PARL: variants seen among roughly 807,000 people sequenced by gnomAD.
PARL encodes the protein presenilin-associated rhomboid-like protein, mitochondrial.
A neutral mutation model predicts 51.6 loss-of-function variants in PARL; 44 were observed. The ratio of observed to expected loss-of-function variants is 0.85; its 90% CI spans 0.67 to 1.10. The LOEUF (loss-of-function observed/expected upper bound fraction) is 1.10. Ranked by LOEUF, PARL falls within the 50% of genes least tolerant of loss-of-function variation. PARL has a pLI of 0.00. For missense variants in PARL, 441 were observed against 469.5 expected, an observed-to-expected ratio of 0.94 and a Z score of 0.56; for synonymous variants, 172 against 164.0, an observed-to-expected ratio of 1.05 and a Z score of -0.37.
intron 4 of PARL, among the ~76,000 whole-genome samples, chr3:183,847,363 G>A (rs1730076879): frequency 6.6e-6 from 1 of 152,058 alleles, no homozygotes; most frequent in Non-Finnish European, 1.5e-5. Flanking sequence ...AGAAATTTGA[G>A]ACCACCCTGG....
In PARL at chr3:183,854,056, T is replaced by C. The variant is rs151006052; in HGVS notation, c.511+8697A>G. Among the ~76,000 whole-genome samples the C allele has an allele frequency of 2.7e-3, 403 of 151,954 alleles. 1 individual carries two copies. The highest frequency in any genetic ancestry group is 9.4e-3 in the African/African-American group (390 of 41,432). Reference sequence around the variant, plus strand: ...GAGTTTGAGACCAGCCTGACCAATATGGTGAAACCCTGTCTCTACCAAAAA... The same window carrying C: ...GAGTTTGAGACCAGCCTGACCAATACGGTGAAACCCTGTCTCTACCAAAAA... On this transcript the variant is annotated intron_variant, in intron 4 of 9. Transcript: ENST00000317096.
intron 7 of PARL, among the ~76,000 whole-genome samples, chr3:183,834,978 G>C (rs1238705511): frequency 6.6e-6 from 1 of 150,962 alleles, no homozygotes; most frequent in African/African-American, 2.4e-5. Context: ...AGAATTGCTT[G>C]AACCCGGGAG....
Position 183,862,827 on chromosome 3 carries a change from C to G in PARL, c.463-26G>C, listed in dbSNP as rs747268148. 4 of 1,593,586 alleles carry G rather than the reference C, an allele frequency of 2.5e-6. No homozygotes were observed. In the Admixed American group the frequency reaches 6.7e-5, roughly 27 times the overall value. ...CTAAAACAGACAGAAAATTGCATCACCACATGTGAGAAATTTCAGGCTACA... is the reference window on the plus strand; with the variant it reads ...CTAAAACAGACAGAAAATTGCATCAGCACATGTGAGAAATTTCAGGCTACA... On this transcript the variant is annotated intron_variant, in intron 3 of 9. Coordinates refer to ENST00000317096, the MANE Select transcript of PARL (RefSeq NM_018622.7).
chr3:183,840,750 GGCT>G (rs1729215800), intron 6 of PARL, 110 bp from the exon 7 acceptor site: 1 of 617,370 alleles, frequency 1.6e-6, no homozygotes, highest in African/African-American at 2.0e-5. Context: ...CTTTCGCCCC[GGCT>G]GCTGAAGTGC....
chr3:183,876,331 T>C (rs1337440667), intron 1 of PARL, among the ~76,000 whole-genome samples: 1 of 152,030 alleles, frequency 6.6e-6, no homozygotes, highest in African/African-American at 2.4e-5. Context: ...ATAGGCGCAA[T>C]CCACTGTGCC....
At chr3:183,832,760 G>A (rs1427578054) in intron 9 of PARL, among the ~76,000 whole-genome samples, 2 of 152,286 alleles carry the variant, frequency 1.3e-5, no homozygotes, top group East Asian at 1.9e-4. Context: ...TGAAGCACAC[G>A]TGGAAGGTCT....
At chr3:183,879,719 C>CT (rs1734218677) in intron 1 of PARL, 6 of 975,248 alleles carry the variant, frequency 6.2e-6, no homozygotes, top group Non-Finnish European at 7.3e-6. Flanking sequence ...TTTAAATTTC[C>CT]TTTTTTTGGT....
At chr3:183,876,302 C>A (rs1310686234) in intron 1 of PARL, among the ~76,000 whole-genome samples, 6 of 152,176 alleles carry the variant, frequency 3.9e-5, no homozygotes, top group African/African-American at 1.4e-4. Context: ...CCGTGTTGGC[C>A]TCCCACAGTG....
chr3:183,882,246 TATATATATATATATATATATA>T (rs1734580773), intron 1 of PARL, among the ~76,000 whole-genome samples: 2 of 14,372 alleles, frequency 1.4e-4, no homozygotes, highest in South Asian at 2.1e-3. Flanking sequence ...TATATATATT[TATATATATATATATATATATA>T]TTTATATATA....
rs912656659 is a variant in PARL, at chr3:183,884,739, C to T, written c.108G>A (p.Pro36=). 3.2e-6 allele frequency: 5 copies of T among 1,581,080 alleles called. No homozygotes were observed. The highest frequency in any genetic ancestry group is 4.3e-6 in the Non-Finnish European group (5 of 1,165,866). ...GCTATTACCTGCGTCCGAGGAGCTG[C>T]GGCGGGGTTAGGACCGCAGTGAGCT... The part of the protein sequence containing the change: ...CEELTAVLTP[P]QLLGRRFNFF... The change falls in exon 1 of 10, where the codon CCG becomes CCA. Residue 36 remains proline, a synonymous_variant. Coordinates refer to ENST00000317096, the MANE Select transcript of PARL (RefSeq NM_018622.7).
At chr3:183,874,343 A>T (rs1257191326) in intron 1 of PARL, among the ~76,000 whole-genome samples, 2 of 151,950 alleles carry the variant, frequency 1.3e-5, no homozygotes, top group Non-Finnish European at 2.9e-5. Context: ...TAACCCTACA[A>T]TCACCGCTAA....
At chr3:183,851,086 G>C (rs1308494943) in intron 4 of PARL, among the ~76,000 whole-genome samples, 1 of 152,184 alleles carries the variant, frequency 6.6e-6, no homozygotes, top group Non-Finnish European at 1.5e-5. Context: ...GCTCAGACAA[G>C]TGGATAGCCA....
intron 4 of PARL, among the ~76,000 whole-genome samples, chr3:183,853,530 C>A (rs1730784648): frequency 6.6e-6 from 1 of 151,828 alleles, no homozygotes; most frequent in African/African-American, 2.4e-5. Context: ...CTGGTCTGGG[C>A]GAAAGAGCAA....
chr3:183,865,245 C>T (rs1394659501), intron 3 of PARL, among the ~76,000 whole-genome samples: 1 of 152,064 alleles, frequency 6.6e-6, no homozygotes, highest in Non-Finnish European at 1.5e-5. Flanking sequence ...GAGTTTGAGG[C>T]TTCAGTGAGC....
intron 4 of PARL, among the ~76,000 whole-genome samples, chr3:183,855,969 A>AC (rs1365720022): frequency 1.1e-4 from 17 of 148,150 alleles, no homozygotes; most frequent in Middle Eastern, 3.5e-3. Context: ...AAAATAAACA[A>AC]ACAAAAAAAA....
chr3:183,870,830 T>C (rs559970940), intron 1 of PARL, among the ~76,000 whole-genome samples: 1 of 152,282 alleles, frequency 6.6e-6, no homozygotes, highest in Non-Finnish European at 1.5e-5. Context: ...TGTTTTGCTC[T>C]CTTAACTACG....
intron 5 of PARL, among the ~76,000 whole-genome samples, chr3:183,843,947 G>A (rs962595307): frequency 1.3e-5 from 2 of 152,146 alleles, no homozygotes; most frequent in African/African-American, 4.8e-5. Context: ...GCTGAGGCAG[G>A]AGAATCACTT....
chr3:183,857,922 C>T (rs1214983523), intron 4 of PARL, among the ~76,000 whole-genome samples: 1 of 152,162 alleles, frequency 6.6e-6, no homozygotes, highest in Non-Finnish European at 1.5e-5. Context: ...ATAATAAAAA[C>T]CCTATTCTTT....
intron 9 of PARL, among the ~76,000 whole-genome samples, chr3:183,833,168 G>A (rs1350432504): frequency 6.6e-6 from 1 of 152,128 alleles, no homozygotes; most frequent in Admixed American, 6.6e-5. Flanking sequence ...AAGTCTGAAG[G>A]GGAAAAAGAA....
Sources: allele counts gnomAD v4.1 joint callset (sites outside exome capture counted in the v4.1 genomes callset), GRCh38; gene constraint gnomAD v4.1.1; transcripts MANE v1.5; gene names NCBI Gene and HGNC (gene_info 2026-07-23, HGNC 2026-07-21).